Variants in MAST4 observed in about 807,000 individuals in gnomAD.
The protein encoded by MAST4 is microtubule-associated serine/threonine-protein kinase 4.
A neutral mutation model predicts 162.7 loss-of-function variants in MAST4; 89 were observed. The observed-to-expected ratio is 0.55, with a 90% CI of 0.46 to 0.65. The LOEUF (loss-of-function observed/expected upper bound fraction) is 0.65, where lower values mean the gene tolerates loss of function less well. Among genes scored for constraint, MAST4 ranks in the 30% least tolerant of loss-of-function variants. The pLI is 0.00. For missense variants in MAST4, 3,153 were observed against 3,374.0 expected (o/e 0.93, Z 1.62); for synonymous variants, 1,479 against 1,361.1 (o/e 1.09, Z -1.91).
chr5:67,035,230 C>T (rs906548835), intron 4 of MAST4, among the ~76,000 whole-genome samples: 3 of 152,108 alleles, frequency 2.0e-5, no homozygotes, highest in Non-Finnish European at 1.5e-5. Flanking sequence ...TGTGACTACT[C>T]AAGGAACAGC....
chr5:66,739,843 CTTGTT>C (rs1752383118), intron 1 of MAST4, among the ~76,000 whole-genome samples: 1 of 120,666 alleles, frequency 8.3e-6, no homozygotes, highest in African/African-American at 2.9e-5. Context: ...TTCCATCACT[CTTGTT>C]TTTTTTTTTT....
intron 14 of MAST4, among the ~76,000 whole-genome samples, chr5:67,127,354 G>T (rs1768373311): frequency 6.6e-6 from 1 of 152,162 alleles, no homozygotes; most frequent in Non-Finnish European, 1.5e-5. Context: ...CATTCAGTAT[G>T]TTATTGGCTG....
rs373166044 is a variant in MAST4 at position 67,130,456 on chromosome 5, A to T, written c.1954+38A>T. On this transcript the variant is annotated intron_variant, in intron 15 of 28. Coordinates refer to ENST00000403625, the MANE Select transcript of MAST4 (RefSeq NM_001164664.2). ...GAAAACATGACACCTGTACCCAGGA[A>T]TCCCTTGCTCATTTGTGTTGTTGAA... 5.4e-5 allele frequency: 86 copies of T among 1,598,678 alleles called. 1 individual carries two copies. In the African/African-American group the frequency reaches 1.1e-3, roughly 20 times the overall value.
chr5:66,798,863 T>G (rs1252135393), intron 3 of MAST4, among the ~76,000 whole-genome samples: 1 of 152,210 alleles, frequency 6.6e-6, no homozygotes, highest in Non-Finnish European at 1.5e-5. Context: ...ATTTCTTTCC[T>G]TGTTTGTATA....
chr5:66,702,696 C>A (rs1749859334), intron 1 of MAST4, among the ~76,000 whole-genome samples: 1 of 152,090 alleles, frequency 6.6e-6, no homozygotes, highest in East Asian at 1.9e-4. Flanking sequence ...TGGAGCAGAA[C>A]AGGCAAGAAA....
At chr5:66,652,482 TAA>T (rs750705824) in intron 1 of MAST4, among the ~76,000 whole-genome samples, 10 of 152,336 alleles carry the variant, frequency 6.6e-5, no homozygotes, top group Non-Finnish European at 1.3e-4. Flanking sequence ...TCTGTTTTCC[TAA>T]GACTCAAGAC....
At chr5:66,804,641 G>A (rs920909310) in intron 3 of MAST4, among the ~76,000 whole-genome samples, 2 of 152,184 alleles carry the variant, frequency 1.3e-5, no homozygotes, top group East Asian at 3.8e-4. Flanking sequence ...TGAAAGTAGA[G>A]AGTGGGAAGG....
rs1008789308 is a variant in MAST4 at position 67,131,662 on chromosome 5, C to T, written c.1955-151C>T. The T allele has an allele frequency of 1.3e-5, 8 of 618,706 alleles. No homozygotes were observed. In the Admixed American group the frequency reaches 1.8e-4, roughly 14 times the overall value. The allele number at this position is 618,706 out of a possible 1,614,324, so 38.3% of individuals were successfully genotyped here. ...CTCCATACTGTTTCTTAGTTAGAAACATGATAGGTTAACACATAGACTCCA... is the reference window on the plus strand; with the variant it reads ...CTCCATACTGTTTCTTAGTTAGAAATATGATAGGTTAACACATAGACTCCA... On this transcript the variant is annotated intron_variant, in intron 15 of 28. Transcript: ENST00000403625.
intron 4 of MAST4, among the ~76,000 whole-genome samples, chr5:66,963,255 T>C (rs923222914): frequency 2.6e-5 from 4 of 152,248 alleles, no homozygotes; most frequent in Non-Finnish European, 5.9e-5. Flanking sequence ...TAAGGAAGAC[T>C]TGTTTTTCCT....
chr5:66,815,081 G>A (rs1419236223), intron 3 of MAST4, among the ~76,000 whole-genome samples: 4 of 152,130 alleles, frequency 2.6e-5, no homozygotes, highest in Admixed American at 2.6e-4. Flanking sequence ...ACATTTGAAG[G>A]AATAGACTTC....
rs368666230 is a variant in MAST4, at chr5:66,788,344, A to G, written c.518-326A>G. The stretch of plus-strand genomic sequence containing the variant: ...ACAAATGCACGCGCTTACTTCTGTG[A>G]TGCTGAGAATGCTTTGTGTACTTAT... On this transcript the variant is annotated intron_variant, in intron 2 of 28. Transcript: ENST00000403625. Among the ~76,000 whole-genome samples, 8 of 152,314 alleles carry G rather than the reference A, an allele frequency of 5.3e-5. No individual in the cohort carries two copies. The East Asian group carries it at 1.3e-3, about 26-fold the overall frequency.
At chr5:66,920,639 C>T (rs982620079) in intron 4 of MAST4, among the ~76,000 whole-genome samples, 6 of 151,996 alleles carry the variant, frequency 3.9e-5, no homozygotes, top group African/African-American at 7.2e-5. Context: ...TACAGGCATG[C>T]GCCACCATGC....
At chr5:66,609,705 GT>G (rs77135146) in intron 1 of MAST4, among the ~76,000 whole-genome samples, 11,703 of 106,434 alleles carry the variant, frequency 0.11, 409 homozygotes, top group East Asian at 0.28. Context: ...TTTTTTTTTT[GT>G]TTTTTTTTTT....
intron 4 of MAST4, among the ~76,000 whole-genome samples, chr5:67,019,081 T>A: frequency 6.6e-6 from 1 of 152,222 alleles, no homozygotes; most frequent in East Asian, 1.9e-4. Flanking sequence ...TTATCTGCTT[T>A]TTTCCCTTAA....
intron 6 of MAST4, among the ~76,000 whole-genome samples, chr5:67,090,896 A>T (rs1256891756): frequency 6.6e-6 from 1 of 152,026 alleles, no homozygotes; most frequent in Admixed American, 6.6e-5. Context: ...GCCCTGTCAG[A>T]TGCAATCCTT....
At chr5:66,658,417 AT>A (rs1426149528) in intron 1 of MAST4, among the ~76,000 whole-genome samples, 1 of 152,192 alleles carries the variant, frequency 6.6e-6, no homozygotes, top group Admixed American at 6.5e-5. Flanking sequence ...TAGAACTGTT[AT>A]GGGTTTTTTC....
At chr5:66,840,132 C>T (rs1003442417) in intron 3 of MAST4, among the ~76,000 whole-genome samples, 2 of 151,868 alleles carry the variant, frequency 1.3e-5, no homozygotes, top group Non-Finnish European at 2.9e-5. Flanking sequence ...TAACAACTAG[C>T]TCAAAATGAT....
At chr5:66,765,986 G>A (rs771565912) in intron 2 of MAST4, among the ~76,000 whole-genome samples, 1 of 152,174 alleles carries the variant, frequency 6.6e-6, no homozygotes, top group Non-Finnish European at 1.5e-5. Flanking sequence ...GCACCTAGAA[G>A]CCTCATGTAA....
chr5:66,829,002 A>G (rs1397484974), intron 3 of MAST4: 2 of 828,268 alleles, frequency 2.4e-6, no homozygotes, highest in Non-Finnish European at 2.0e-6. Flanking sequence ...TAGTATCTAC[A>G]TGGCAACGCT....
Sources: allele counts gnomAD v4.1 joint callset (sites outside exome capture counted in the v4.1 genomes callset), GRCh38; gene constraint gnomAD v4.1.1; transcripts MANE v1.5; gene names NCBI Gene and HGNC (gene_info 2026-07-23, HGNC 2026-07-21).